Variants in SGO1 observed in about 807,000 individuals in gnomAD.
SGO1 encodes the protein shugoshin 1.
SGO1 carries 39 observed loss-of-function variants against 50.5 expected under a neutral mutation model. The ratio of observed to expected loss-of-function variants is 0.77; its 90% CI spans 0.60 to 1.01. The LOEUF (loss-of-function observed/expected upper bound fraction) is 1.01. Among genes scored for constraint, SGO1 ranks in the 50% least tolerant of loss-of-function variants. The probability of loss-of-function intolerance (pLI) is 0.00; values close to 1 mark genes in which losing one functional copy is unlikely to be tolerated. For synonymous variants in SGO1, 191 were observed against 205.1 expected, an observed-to-expected ratio of 0.93 and a Z score of 0.59; for missense variants, 638 against 606.0, an observed-to-expected ratio of 1.05 and a Z score of -0.55.
At chr3:20,174,155 C>T in intron 6 of SGO1, 94 bp downstream of exon 6, 2 of 1,022,814 alleles carry the variant, frequency 2.0e-6, no homozygotes, top group Non-Finnish European at 2.9e-6. Context: ...CCAACCTCCA[C>T]CAGAGAAACA....
Position 20,178,699 on chromosome 3 carries a change from A to G in SGO1, c.340-352T>C, listed in dbSNP as rs543484871. ...TCAGAAGACTGCAAAGGAGCTAGCC[A>G]CTGAAAGAACAGGAGGAAAAGAAGG... is the stretch of plus-strand genomic sequence containing the variant. On this transcript the variant is annotated intron_variant, in intron 3 of 7. Coordinates refer to ENST00000412997, the MANE Select transcript of SGO1 (RefSeq NM_001199251.3). 6.2e-4 allele frequency among the ~76,000 whole-genome samples: 95 copies of G among 152,342 alleles called. 1 individual carries two copies. Among genetic ancestry groups the G allele is most frequent in the Non-Finnish European group, 1.0e-3 (70 of 68,028 alleles).
downstream of SGO1, among the ~76,000 whole-genome samples, chr3:20,164,501 T>C (rs150679493): frequency 6.6e-6 from 1 of 152,288 alleles, no homozygotes; most frequent in East Asian, 1.9e-4. Flanking sequence ...TAGGACCAAA[T>C]GCTTCCTCCC....
downstream of SGO1, among the ~76,000 whole-genome samples, chr3:20,167,394 G>A (rs1700359377): frequency 6.6e-6 from 1 of 152,002 alleles, no homozygotes; most frequent in African/African-American, 2.4e-5. Flanking sequence ...TATAAGCAAG[G>A]TATAAAAAAG....
chr3:20,176,677 A>G lies in SGO1; in HGVS notation c.417-18T>C, dbSNP rs1241923085. On this transcript the variant is annotated intron_variant, in intron 4 of 7. Transcript: ENST00000412997. ...GAATTTGCCTTAGAAAATACCAATG[A>G]AAAACAGAAATTTAACAATTATGTA... 2 of 1,506,282 alleles carry G rather than the reference A, an allele frequency of 1.3e-6. No homozygotes were observed. The highest frequency in any genetic ancestry group is 4.5e-5 in the Admixed American group (2 of 44,854). 93.3% of individuals were successfully genotyped at this position (1,506,282 alleles called of 1,614,324 possible).
upstream of SGO1, chr3:20,186,289 C>G (rs1409335672): frequency 6.6e-6 from 1 of 152,294 alleles, no homozygotes; most frequent in African/African-American, 2.4e-5. Flanking sequence ...CCGTCGCAGG[C>G]AGAGTCCCGC....
Position 20,179,267 on chromosome 3 carries a change from A to T in SGO1, c.340-920T>A, listed in dbSNP as rs527725680. Among the ~76,000 whole-genome samples the T allele has an allele frequency of 7.9e-5, 12 of 152,284 alleles. No homozygotes were observed. The East Asian group carries it at 2.3e-3, about 29-fold the overall frequency. On this transcript the variant is annotated intron_variant, in intron 3 of 7. Transcript: ENST00000412997. ...GTGCTTTATATAAGGTATGTTTGAG[A>T]TCCCTTATAAATCTTTAAGTGGAGA...
chr3:20,169,662 G>T lies in SGO1; in HGVS notation c.*1042C>A. 1.0e-6 allele frequency: 1 copy of T among 961,612 alleles called. No homozygotes were observed. The highest frequency in any genetic ancestry group is 1.2e-6 in the Non-Finnish European group (1 of 808,466). 59.6% of individuals were successfully genotyped at this position (961,612 alleles called of 1,614,324 possible). On this transcript the variant is annotated 3_prime_UTR_variant, in exon 8 of 8. Transcript: ENST00000412997. ...CACACATTTAATCTCTGAGATTTCT[G>T]ACTAAATAAGGAGCTACCCTGAAAG...
upstream of SGO1, chr3:20,186,742 A>G (rs943936929): frequency 2.6e-5 from 4 of 152,232 alleles, no homozygotes; most frequent in South Asian, 4.1e-4. Context: ...ACTCTTCTCG[A>G]GAAATGGCAC....
rs1481631032 is a variant in SGO1, at chr3:20,162,760, TA to T, written c.1565-1535del. On this transcript the variant is annotated intron_variant, in intron 8 of 8. Transcript: ENST00000263753. ...GAACACAATAAAGAGACAAATAAAA[TA>T]TATATATAAAATAAAGAACCAAATG... Among the ~76,000 whole-genome samples, 5 of 146,666 alleles carry T rather than the reference TA, an allele frequency of 3.4e-5. No individual in the cohort carries two copies. The East Asian group carries it at 9.9e-4, about 29-fold the overall frequency.
intron 5 of SGO1, among the ~76,000 whole-genome samples, chr3:20,176,126 T>C (rs78929876): frequency 2.9e-4 from 44 of 152,340 alleles, no homozygotes; most frequent in Admixed American, 8.5e-4. Flanking sequence ...GTGGAGGAGA[T>C]TGACACTTGA....
Position 20,171,221 on chromosome 3 carries a change from C to T in SGO1, c.1294G>A (p.Glu432Lys), listed in dbSNP as rs1186574089. The change falls in exon 7 of 8, where the codon GAA becomes AAA. Residue 432 changes from glutamate to lysine, a missense_variant. Glu to Lys is a moderately conservative substitution (Grantham distance 56, BLOSUM62 1). Transcript: ENST00000412997. ...PTKTPTTTPP[E>K]TQQSPHLSLK... is the part of the protein sequence containing the mutation. ...CTAAGATGAGGTGACTGCTGAGTTT[C>T]AGGTGGTGTAGCTACAAAACAATTT... 1.9e-6 allele frequency: 3 copies of T among 1,575,120 alleles called. No individual in the cohort carries two copies. The highest frequency in any genetic ancestry group is 1.4e-5 in the African/African-American group (1 of 72,018).
chr3:20,185,174 TA>T (rs1702489585), intron 1 of SGO1, among the ~76,000 whole-genome samples: 1 of 152,186 alleles, frequency 6.6e-6, no homozygotes, highest in Non-Finnish European at 1.5e-5. Flanking sequence ...CTAGCAGAGA[TA>T]GGGTAGCTAT....
At position 20,169,914 on chromosome 3, in the gene SGO1, G is replaced by T. The variant is rs1412268409; in HGVS notation, c.*790C>A. On this transcript the variant is annotated 3_prime_UTR_variant, in exon 8 of 8. Transcript: ENST00000412997. ...TAAATGTCAAATATTTATTTTACTC[G>T]AATACTACACAGAGTTTCAAAAGAT... The T allele has an allele frequency of 1.0e-6, 1 of 983,192 alleles. No individual in the cohort carries two copies. The highest frequency in any genetic ancestry group is 1.2e-6 in the Non-Finnish European group (1 of 828,042). 60.9% of individuals were successfully genotyped at this position (983,192 alleles called of 1,614,324 possible).
At chr3:20,177,681 G>A (rs1047764548) in intron 4 of SGO1, among the ~76,000 whole-genome samples, 3 of 152,126 alleles carry the variant, frequency 2.0e-5, no homozygotes, top group Non-Finnish European at 4.4e-5. Context: ...TGAAATTTTA[G>A]TTCCACGATA....
chr3:20,177,665 C>T (rs1701550751), intron 4 of SGO1, among the ~76,000 whole-genome samples: 1 of 152,196 alleles, frequency 6.6e-6, no homozygotes, highest in Admixed American at 6.5e-5. Flanking sequence ...AACACTATGT[C>T]TTCATTGAAA....
At chr3:20,163,398 T>A (rs1700139278) in intron 8 of SGO1, among the ~76,000 whole-genome samples, 2 of 152,162 alleles carry the variant, frequency 1.3e-5, no homozygotes, top group Non-Finnish European at 2.9e-5. Context: ...ATTGGAATTG[T>A]CTGAATCATC....
At chr3:20,183,099 A>C (rs951351502) in intron 3 of SGO1, among the ~76,000 whole-genome samples, 2 of 152,244 alleles carry the variant, frequency 1.3e-5, no homozygotes, top group African/African-American at 4.8e-5. Flanking sequence ...TTAGCCAACA[A>C]GTAGGTAAAA....
At chr3:20,173,880 T>A (rs912134932) in intron 6 of SGO1, among the ~76,000 whole-genome samples, 1 of 152,202 alleles carries the variant, frequency 6.6e-6, no homozygotes, top group Non-Finnish European at 1.5e-5. Flanking sequence ...GCCATTAAAA[T>A]AACAAGTCAC....
At chr3:20,182,945 G>A (rs1702192643) in intron 3 of SGO1, among the ~76,000 whole-genome samples, 1 of 152,042 alleles carries the variant, frequency 6.6e-6, no homozygotes, top group Non-Finnish European at 1.5e-5. Flanking sequence ...GTGAACCCAG[G>A]AGGCCGAGCT....
Sources: allele counts gnomAD v4.1 joint callset (sites outside exome capture counted in the v4.1 genomes callset), GRCh38; gene constraint gnomAD v4.1.1; transcripts MANE v1.5; gene names NCBI Gene and HGNC (gene_info 2026-07-23, HGNC 2026-07-21).